NSRP1: variants seen among roughly 807,000 people sequenced by gnomAD.
NSRP1 encodes coiled-coil domain containing 55.
In NSRP1, 24 loss-of-function variants were observed where a neutral mutation model predicts 54.7. The ratio of observed to expected loss-of-function variants is 0.44; its 90% CI spans 0.32 to 0.62. The LOEUF (loss-of-function observed/expected upper bound fraction) is 0.62, where lower values mean the gene tolerates loss of function less well. Among genes scored for constraint, NSRP1 ranks in the 20% least tolerant of loss-of-function variants. NSRP1 has a pLI of 0.06. For synonymous variants in NSRP1, 210 were observed against 213.8 expected (o/e 0.98, Z 0.15); for missense variants, 596 against 651.2 (o/e 0.92, Z 0.92).
intron 6 of NSRP1, among the ~76,000 whole-genome samples, chr17:30,182,048 C>CT (rs10549815): frequency 0.054 from 5,300 of 98,272 alleles, 139 homozygotes; most frequent in South Asian, 0.1. Context: ...CACCTGGCTG[C>CT]TTTTTTTTTT....
At chr17:30,146,069 G>A (rs1166396757) in intron 2 of NSRP1, among the ~76,000 whole-genome samples, 1 of 152,064 alleles carries the variant, frequency 6.6e-6, no homozygotes, top group Non-Finnish European at 1.5e-5. Context: ...TGCTGATCTC[G>A]AACTCCTAGC....
intron 2 of NSRP1, among the ~76,000 whole-genome samples, chr17:30,132,468 C>A (rs2071709682): frequency 6.6e-6 from 1 of 150,918 alleles, no homozygotes; most frequent in Admixed American, 6.6e-5. Flanking sequence ...GCAGGAGAAT[C>A]ATATGAGCCC....
intron 2 of NSRP1, chr17:30,122,367 A>G (rs1180953586): frequency 0.019 from 356 of 19,060 alleles, 9 homozygotes; most frequent in African/African-American, 0.045. Flanking sequence ...ATATATATAT[A>G]TATATATATA....
intron 2 of NSRP1, among the ~76,000 whole-genome samples, chr17:30,143,589 A>T (rs1327678383): frequency 6.6e-6 from 1 of 152,180 alleles, no homozygotes; most frequent in Admixed American, 6.5e-5. Flanking sequence ...ACTGTTCATT[A>T]TAAGTGTGCT....
intron 2 of NSRP1, among the ~76,000 whole-genome samples, chr17:30,163,917 C>T (rs1339737327): frequency 7.2e-5 from 11 of 151,950 alleles, no homozygotes; most frequent in Admixed American, 7.2e-4. Context: ...AACTCTTGAC[C>T]TCAGGTGATC....
chr17:30,117,007 A>T lies in NSRP1; in HGVS notation c.20+144A>T, dbSNP rs971596729. 3 of 1,034,816 alleles carry T rather than the reference A, an allele frequency of 2.9e-6. No individual in the cohort carries two copies. The African/African-American group carries it at 4.7e-5, about 16-fold the overall frequency. The allele number at this position is 1,034,816 out of a possible 1,614,324, so 64.1% of individuals were successfully genotyped here. A position where few individuals can be genotyped will look rare whatever the true frequency, so the allele number is the denominator to read the frequency against. On this transcript the variant is annotated intron_variant, in intron 1 of 6. Transcript: ENST00000247026. ...CGGGAAAAAACGAGAAGTCCTGAGG[A>T]ACATAGATTCCCCTCCCCCGTACAT...
intron 2 of NSRP1, among the ~76,000 whole-genome samples, chr17:30,120,889 G>A (rs1385143029): frequency 1.3e-5 from 2 of 152,180 alleles, no homozygotes; most frequent in Non-Finnish European, 2.9e-5. Context: ...GAATGTGAAT[G>A]AAATGTAGAG....
intron 2 of NSRP1, among the ~76,000 whole-genome samples, chr17:30,152,554 C>T (rs1395875510): frequency 6.7e-6 from 1 of 149,006 alleles, no homozygotes; most frequent in East Asian, 2.0e-4. Context: ...TAAATGTAAA[C>T]GTTTAGATTA....
chr17:30,183,027 A>G (rs1346441521), intron 6 of NSRP1, among the ~76,000 whole-genome samples: 1 of 152,150 alleles, frequency 6.6e-6, no homozygotes, highest in Non-Finnish European at 1.5e-5. Flanking sequence ...CAGTTGCCAT[A>G]TTTGGCTGGT....
At chr17:30,163,444 G>A (rs1269796347) in intron 2 of NSRP1, among the ~76,000 whole-genome samples, 1 of 151,906 alleles carries the variant, frequency 6.6e-6, no homozygotes, top group Non-Finnish European at 1.5e-5. Context: ...TGCAACAAAG[G>A]TACATAGTCA....
intron 2 of NSRP1, chr17:30,127,932 C>T (rs768826599): frequency 2.8e-5 from 11 of 397,562 alleles, no homozygotes; most frequent in African/African-American, 4.1e-5. Flanking sequence ...CCTCCCAGGC[C>T]GAAGCACGCC....
chr17:30,118,229 T>C, intron 2 of NSRP1, 56 bp downstream of exon 2: 2 of 1,387,672 alleles, frequency 1.4e-6, no homozygotes, highest in Non-Finnish European at 2.0e-6. Flanking sequence ...TTTTTAAAAA[T>C]TGAACTTGTG....
chr17:30,168,766 A>G (rs1344602614), intron 2 of NSRP1: 1 of 151,900 alleles, frequency 6.6e-6, no homozygotes, highest in Non-Finnish European at 1.5e-5. Context: ...AGAAAAAAGT[A>G]AAAGTTTTAC....
At chr17:30,146,175 G>A (rs974624910) in intron 2 of NSRP1, among the ~76,000 whole-genome samples, 1 of 151,956 alleles carries the variant, frequency 6.6e-6, no homozygotes, top group Non-Finnish European at 1.5e-5. Context: ...AATTATTGTA[G>A]CTTAGTATAT....
intron 2 of NSRP1, among the ~76,000 whole-genome samples, chr17:30,130,645 C>T (rs569097696): frequency 6.6e-6 from 1 of 152,180 alleles, no homozygotes; most frequent in Non-Finnish European, 1.5e-5. Context: ...TGAGGAAGTA[C>T]AACACTATAG....
intron 6 of NSRP1, 48 bp from the exon 7 acceptor site, chr17:30,184,567 T>C (rs201594787): frequency 5.7e-5 from 86 of 1,514,502 alleles, no homozygotes; most frequent in Non-Finnish European, 7.2e-5. Context: ...TTATTACAAC[T>C]GATAATGTGG....
chr17:30,132,226 C>T lies in NSRP1; in HGVS notation c.114+14053C>T, dbSNP rs569328802. 6.1e-5 allele frequency among the ~76,000 whole-genome samples: 9 copies of T among 146,692 alleles called. No homozygotes were observed. The South Asian group carries it at 8.6e-4, about 14-fold the overall frequency. On this transcript the variant is annotated intron_variant, in intron 2 of 6. Coordinates refer to ENST00000247026, the MANE Select transcript of NSRP1 (RefSeq NM_032141.4). Reference sequence around the variant, plus strand: ...TCATACCACTGCACTCCAGCCTGGGCGACAGAGCGAGACTGTCTCAAAAAA... The same window carrying T: ...TCATACCACTGCACTCCAGCCTGGGTGACAGAGCGAGACTGTCTCAAAAAA...
chr17:30,172,257 C>G (rs1475995291), intron 2 of NSRP1, among the ~76,000 whole-genome samples: 2 of 151,972 alleles, frequency 1.3e-5, no homozygotes. Flanking sequence ...AGTAAGGCAC[C>G]ATTGCCAACC....
chr17:30,168,465 G>A (rs1189235438), intron 2 of NSRP1, among the ~76,000 whole-genome samples: 1 of 151,388 alleles, frequency 6.6e-6, no homozygotes, highest in Non-Finnish European at 1.5e-5. Flanking sequence ...CACAGAATAG[G>A]CCACAATACA....
Sources: gnomAD v4.1 joint callset for allele counts (sites outside exome capture counted in the v4.1 genomes callset) on GRCh38, gnomAD v4.1.1 for gene constraint, MANE v1.5 for transcripts, NCBI Gene and HGNC (gene_info 2026-07-23, HGNC 2026-07-21) for gene names.